Variants in STAC observed in about 807,000 individuals in gnomAD.
The protein encoded by STAC is SH3 and cysteine rich domain.
A neutral mutation model predicts 48.8 loss-of-function variants in STAC; 43 were observed. The observed-to-expected ratio is 0.88, with a 90% CI of 0.69 to 1.14. STAC has a LOEUF of 1.14. STAC is among the 50% of genes most tolerant of loss of function. The probability of loss-of-function intolerance (pLI) is 0.00; values close to 1 mark genes in which losing one functional copy is unlikely to be tolerated. For missense variants in STAC, 497 were observed against 504.0 expected (o/e 0.99, Z 0.13); for synonymous variants, 193 against 179.5 (o/e 1.07, Z -0.60).
At chr3:36,481,645 T>G (rs1424684717) in intron 2 of STAC, among the ~76,000 whole-genome samples, 1 of 152,210 alleles carries the variant, frequency 6.6e-6, no homozygotes, top group Admixed American at 6.5e-5. Flanking sequence ...GGTTGTCATC[T>G]TGCATAGCAT....
intron 5 of STAC, among the ~76,000 whole-genome samples, chr3:36,491,197 A>G (rs1697957528): frequency 6.6e-6 from 1 of 152,244 alleles, no homozygotes; most frequent in Non-Finnish European, 1.5e-5. Flanking sequence ...AAGTTAACAT[A>G]TGCCTGCATA....
chr3:36,478,709 A>T (rs1458347807), intron 2 of STAC, among the ~76,000 whole-genome samples: 1 of 152,048 alleles, frequency 6.6e-6, no homozygotes, highest in Non-Finnish European at 1.5e-5. Context: ...GCTGGTTTCA[A>T]ACTCCTGACC....
intron 10 of STAC, among the ~76,000 whole-genome samples, chr3:36,543,401 A>G (rs1699374234): frequency 6.6e-6 from 1 of 152,180 alleles, no homozygotes. Context: ...ATCATCTTCA[A>G]AACTTCTCAT....
At chr3:36,537,879 T>C (rs2125501840) in intron 10 of STAC, among the ~76,000 whole-genome samples, 1 of 152,174 alleles carries the variant, frequency 6.6e-6, no homozygotes, top group South Asian at 2.1e-4. Context: ...AAAAAATTAT[T>C]TAAATTGATG....
Position 36,546,412 on chromosome 3 carries a change from A to C in STAC, c.*123A>C. ...CAGCCCCCCAGGAAACAGTGAGACA[A>C]GAATCAAGTATCTGAGACTGTGGAG... On this transcript the variant is annotated 3_prime_UTR_variant, in exon 11 of 11. Transcript: ENST00000273183. 1 of 793,856 alleles carries C rather than the reference A, an allele frequency of 1.3e-6. No individual in the cohort carries two copies. The highest frequency in any genetic ancestry group is 1.6e-5 in the South Asian group (1 of 64,006). The allele number at this position is 793,856 out of a possible 1,614,324, so 49.2% of individuals were successfully genotyped here.
At chr3:36,453,364 C>T (rs576093922) in intron 2 of STAC, among the ~76,000 whole-genome samples, 3 of 152,180 alleles carry the variant, frequency 2.0e-5, no homozygotes, top group African/African-American at 7.2e-5. Flanking sequence ...TGGGCGGGAA[C>T]CGGGGCTGCG....
intron 10 of STAC, among the ~76,000 whole-genome samples, chr3:36,540,081 C>T (rs868431634): frequency 2.0e-5 from 3 of 151,844 alleles, no homozygotes; most frequent in Non-Finnish European, 2.9e-5. Context: ...TGATGGAAGC[C>T]GGGGTCAGAG....
intron 1 of STAC, among the ~76,000 whole-genome samples, chr3:36,438,848 C>T (rs1294263863): frequency 1.3e-5 from 2 of 152,314 alleles, no homozygotes; most frequent in East Asian, 1.9e-4. Context: ...GCATCCTCCC[C>T]GTCACTTTCC....
intron 2 of STAC, among the ~76,000 whole-genome samples, chr3:36,473,949 G>C (rs1036816446): frequency 6.6e-6 from 1 of 152,152 alleles, no homozygotes; most frequent in East Asian, 1.9e-4. Context: ...AAACTAGAAA[G>C]AGCAGCATAC....
intron 1 of STAC, among the ~76,000 whole-genome samples, chr3:36,425,804 A>T (rs1011509352): frequency 7.2e-5 from 11 of 152,088 alleles, no homozygotes; most frequent in Admixed American, 5.9e-4. Context: ...CGCAGGGGGG[A>T]TGGCTTGAGC....
intron 2 of STAC, among the ~76,000 whole-genome samples, chr3:36,470,741 T>C (rs7612223): frequency 0.15 from 23,044 of 152,282 alleles, 1,923 homozygotes; most frequent in African/African-American, 0.2. Context: ...AAGTGGGATC[T>C]GCAAGCTAGT....
At chr3:36,427,457 T>C (rs532771836) in intron 1 of STAC, among the ~76,000 whole-genome samples, 21 of 152,294 alleles carry the variant, frequency 1.4e-4, no homozygotes, top group Non-Finnish European at 2.6e-4. Flanking sequence ...CCAAAGTGTC[T>C]ACAGGCTGCC....
At chr3:36,424,765 A>T (rs1163254111) in intron 1 of STAC, among the ~76,000 whole-genome samples, 1 of 152,192 alleles carries the variant, frequency 6.6e-6, no homozygotes, top group Non-Finnish European at 1.5e-5. Context: ...AGGAGCTCTG[A>T]ATGAGCAAAC....
intron 1 of STAC, among the ~76,000 whole-genome samples, chr3:36,402,333 G>A (rs774222105): frequency 9.2e-5 from 14 of 151,878 alleles, no homozygotes; most frequent in Non-Finnish European, 1.8e-4. Flanking sequence ...AGGGAAGAGC[G>A]AGGAAGAAGA....
chr3:36,463,318 C>G (rs1292478079), intron 2 of STAC, among the ~76,000 whole-genome samples: 1 of 152,032 alleles, frequency 6.6e-6, no homozygotes, highest in Non-Finnish European at 1.5e-5. Flanking sequence ...ATTTCATCCT[C>G]AGTCATTAGG....
At chr3:36,457,097 A>T (rs1696874747) in intron 2 of STAC, among the ~76,000 whole-genome samples, 1 of 152,170 alleles carries the variant, frequency 6.6e-6, no homozygotes, top group African/African-American at 2.4e-5. Context: ...TTAAGTAAAA[A>T]CTTTGTCTCA....
chr3:36,429,488 G>T (rs2125651589), intron 1 of STAC, among the ~76,000 whole-genome samples: 1 of 152,276 alleles, frequency 6.6e-6, no homozygotes, highest in South Asian at 2.1e-4. Flanking sequence ...GTTGGAACTT[G>T]CTCAGAGCCT....
intron 1 of STAC, among the ~76,000 whole-genome samples, chr3:36,382,513 C>T (rs1177183512): frequency 1.3e-5 from 2 of 152,174 alleles, no homozygotes; most frequent in Middle Eastern, 3.2e-3. Context: ...GTCTATACAC[C>T]GGATGTGTGT....
chr3:36,391,698 C>T (rs1030731949), intron 1 of STAC, among the ~76,000 whole-genome samples: 6 of 152,170 alleles, frequency 3.9e-5, no homozygotes, highest in South Asian at 4.1e-4. Flanking sequence ...CTGAGCGGGG[C>T]GGGCTAAGCA....
Sources: allele counts gnomAD v4.1 joint callset (sites outside exome capture counted in the v4.1 genomes callset), GRCh38; gene constraint gnomAD v4.1.1; transcripts MANE v1.5; gene names NCBI Gene and HGNC (gene_info 2026-07-23, HGNC 2026-07-21).